MTTP: variants seen among roughly 807,000 people sequenced by gnomAD.
The protein encoded by MTTP is microsomal triglyceride transfer protein large subunit.
A neutral mutation model predicts 90.6 loss-of-function variants in MTTP; 49 were observed. The observed-to-expected ratio is 0.54, with a 90% CI of 0.43 to 0.69. The LOEUF is 0.69. Among genes scored for constraint, MTTP ranks in the 30% least tolerant of loss-of-function variants. The pLI, the probability that MTTP is intolerant of heterozygous loss-of-function variation, is 0.00. For missense variants in MTTP, 945 were observed against 1,067.5 expected (o/e 0.89, Z 1.60); for synonymous variants, 347 against 384.2 (o/e 0.90, Z 1.13).
At chr4:99,571,056 A>T (rs1379319922), upstream of MTTP, among the ~76,000 whole-genome samples, 1 of 151,938 alleles carries the variant, frequency 6.6e-6, no homozygotes, top group Non-Finnish European at 1.5e-5. Flanking sequence ...AGTGCCTTTC[A>T]ATAGTTCTTG....
chr4:99,585,336 A>T (rs1001171060), intron 3 of MTTP, among the ~76,000 whole-genome samples: 3 of 152,086 alleles, frequency 2.0e-5, no homozygotes, highest in Middle Eastern at 3.2e-3. Flanking sequence ...AAGTTAGGAA[A>T]TTTGCCTATG....
upstream of MTTP, among the ~76,000 whole-genome samples, chr4:99,572,959 T>G (rs1724871823): frequency 6.6e-6 from 1 of 152,140 alleles, no homozygotes; most frequent in African/African-American, 2.4e-5. Flanking sequence ...ATGTTGAAAT[T>G]GCTACTTAAT....
At chr4:99,567,075 C>G (rs1724719978) in intron 1 of MTTP, among the ~76,000 whole-genome samples, 1 of 152,176 alleles carries the variant, frequency 6.6e-6, no homozygotes, top group African/African-American at 2.4e-5. Flanking sequence ...GGCCACTCAT[C>G]TATAATCATT....
chr4:99,565,471 T>C (rs1308596661), intron 1 of MTTP, among the ~76,000 whole-genome samples: 1 of 152,174 alleles, frequency 6.6e-6, no homozygotes, highest in Non-Finnish European at 1.5e-5. Flanking sequence ...TTGAAACATA[T>C]AGAAAGTTTA....
chr4:99,599,080 T>C (rs1207683367), intron 8 of MTTP, among the ~76,000 whole-genome samples: 1 of 152,200 alleles, frequency 6.6e-6, no homozygotes, highest in Non-Finnish European at 1.5e-5. Flanking sequence ...GAATGTAACA[T>C]TTCCCAAAAA....
At chr4:99,604,384 T>C (rs993975801) in intron 10 of MTTP, among the ~76,000 whole-genome samples, 8 of 152,156 alleles carry the variant, frequency 5.3e-5, no homozygotes, top group Non-Finnish European at 8.8e-5. Context: ...TTGCTTATGT[T>C]TTGACCTCCC....
At chr4:99,610,995 G>C in intron 12 of MTTP, 148 bp from the exon 13 acceptor site, 1 of 757,960 alleles carries the variant, frequency 1.3e-6, no homozygotes, top group Non-Finnish European at 2.3e-6. Flanking sequence ...ATGCTACCAC[G>C]CCAGCTGGCA....
Position 99,622,854 on chromosome 4 carries a change from A to T in MTTP, c.*6A>T, listed in dbSNP as rs764765500. 6.2e-7 allele frequency: 1 copy of T among 1,613,596 alleles called. No homozygotes were observed. The highest frequency in any genetic ancestry group is 1.3e-5 in the African/African-American group (1 of 74,878). On this transcript the variant is annotated 3_prime_UTR_variant, in exon 18 of 18. Coordinates refer to ENST00000265517, the MANE Select transcript of MTTP (RefSeq NM_001386140.1). Reference sequence around the variant, plus strand: ...CTTCCAGCGGATGGTTTTGAAACTGACCTGTGATATTTTACTTGAATTTGT... The same window carrying T: ...CTTCCAGCGGATGGTTTTGAAACTGTCCTGTGATATTTTACTTGAATTTGT...
chr4:99,572,905 G>A (rs1560610931), upstream of MTTP, among the ~76,000 whole-genome samples: 2 of 152,060 alleles, frequency 1.3e-5, no homozygotes, highest in African/African-American at 2.4e-5. Flanking sequence ...ATAAAAGGAT[G>A]ATGTTATTTA....
intron 6 of MTTP, among the ~76,000 whole-genome samples, chr4:99,594,317 T>A (rs775553082): frequency 6.6e-6 from 1 of 152,180 alleles, no homozygotes; most frequent in Non-Finnish European, 1.5e-5. Flanking sequence ...TGGAAGAGCA[T>A]GTCAGACAAA....
At chr4:99,618,527 G>A (rs1257000616) in intron 15 of MTTP, among the ~76,000 whole-genome samples, 3 of 152,132 alleles carry the variant, frequency 2.0e-5, no homozygotes, top group Non-Finnish European at 4.4e-5. Context: ...CCAAATTTAG[G>A]TGGATCAGAA....
chr4:99,569,525 C>A (rs1181828003), intron 1 of MTTP, among the ~76,000 whole-genome samples: 3 of 151,904 alleles, frequency 2.0e-5, no homozygotes, highest in African/African-American at 4.8e-5. Flanking sequence ...TATGAGAAAT[C>A]TTTGTGTTAT....
chr4:99,571,839 TTA>T (rs1724848936), upstream of MTTP, among the ~76,000 whole-genome samples: 1 of 151,694 alleles, frequency 6.6e-6, no homozygotes, highest in Non-Finnish European at 1.5e-5. Context: ...GAAAATACTT[TTA>T]GAGTTTAAAC....
In MTTP at chr4:99,591,595, A is replaced by G. The variant is rs1231839964; in HGVS notation, c.619-56A>G. 4 of 1,566,750 alleles carry G rather than the reference A, an allele frequency of 2.6e-6. No individual in the cohort carries two copies. In the Admixed American group the frequency reaches 6.9e-5, roughly 27 times the overall value. On this transcript the variant is annotated intron_variant, in intron 5 of 17. Transcript: ENST00000265517. ...GAAAGACAGTTTGCTATTTGACTTGATTCAATAATTTAAACGATGATTACT... is the reference window on the plus strand; with the variant it reads ...GAAAGACAGTTTGCTATTTGACTTGGTTCAATAATTTAAACGATGATTACT...
At chr4:99,582,127 G>C in intron 2 of MTTP, 35 bp downstream of exon 2, 1 of 1,610,182 alleles carries the variant, frequency 6.2e-7, no homozygotes, top group Non-Finnish European at 8.5e-7. Context: ...GCAAAGATTA[G>C]ATATCAGAAG....
chr4:99,593,680 A>C (rs1725483314), intron 6 of MTTP, among the ~76,000 whole-genome samples: 1 of 152,186 alleles, frequency 6.6e-6, no homozygotes, highest in Non-Finnish European at 1.5e-5. Context: ...ATTAGCACCA[A>C]ATAGATGCAA....
At chr4:99,581,148 T>G (rs1725101575) in intron 1 of MTTP, among the ~76,000 whole-genome samples, 1 of 152,338 alleles carries the variant, frequency 6.6e-6, no homozygotes, top group East Asian at 1.9e-4. Context: ...GGGAAAGACT[T>G]GCTCCTTGGC....
intron 3 of MTTP, among the ~76,000 whole-genome samples, chr4:99,587,222 C>T (rs1725278732): frequency 6.6e-6 from 1 of 152,052 alleles, no homozygotes; most frequent in Admixed American, 6.6e-5. Context: ...GTATGGATAT[C>T]AGTACTATCT....
At chr4:99,592,499 GC>G (rs1208095495) in intron 6 of MTTP, among the ~76,000 whole-genome samples, 1 of 151,610 alleles carries the variant, frequency 6.6e-6, no homozygotes, top group Admixed American at 6.6e-5. Context: ...ATCTTTATAA[GC>G]TTTTTTCTAT....
Sources: allele counts gnomAD v4.1 joint callset (sites outside exome capture counted in the v4.1 genomes callset), GRCh38; gene constraint gnomAD v4.1.1; transcripts MANE v1.5; gene names NCBI Gene and HGNC (gene_info 2026-07-23, HGNC 2026-07-21).